Variants in PROM2 observed in about 807,000 individuals in gnomAD.
PROM2 encodes prominin-2.
A neutral mutation model predicts 110.2 loss-of-function variants in PROM2; 90 were observed. The observed-to-expected ratio is 0.82, with a 90% CI of 0.69 to 0.97. PROM2 has a LOEUF of 0.97. PROM2 is among the 50% of genes least tolerant of loss of function. PROM2 has a pLI of 0.00. For missense variants in PROM2, 1,009 were observed against 1,074.8 expected, an observed-to-expected ratio of 0.94 and a Z score of 0.86; for synonymous variants, 470 against 467.8, an observed-to-expected ratio of 1.00 and a Z score of -0.06.
At chr2:95,285,296 AC>A (rs1053107893) in intron 15 of PROM2, among the ~76,000 whole-genome samples, 181 bp downstream of exon 15, 1 of 151,498 alleles carries the variant, frequency 6.6e-6, no homozygotes, top group Non-Finnish European at 1.5e-5. Flanking sequence ...TCCTGCCACC[AC>A]CCCGGTCACA....
Position 95,287,160 on chromosome 2 carries a change from G to A in PROM2, c.2122G>A (p.Val708Ile), listed in dbSNP as rs1677411822. 1 of 1,614,024 alleles carries A rather than the reference G, an allele frequency of 6.2e-7. No homozygotes were observed. Among genetic ancestry groups the A allele is most frequent in the Non-Finnish European group, 8.5e-7 (1 of 1,180,018 alleles). The change falls in exon 19 of 24, where the codon GTC becomes ATC. Residue 708 changes from valine (V) to isoleucine (I), a missense_variant. Transcript: ENST00000317620. ...GGAGACCTCAGATGTCCTAGCCAAT[G>A]TCACCTACCTGAAAGGAGAGCTGCC... The part of the protein sequence containing the change: ...QLETSDVLAN[V>I]TYLKGELPAW...
chr2:95,282,256 G>A (rs756533176), intron 14 of PROM2, 30 bp downstream of exon 14: 42 of 1,557,508 alleles, frequency 2.7e-5, no homozygotes, highest in Non-Finnish European at 3.3e-5. Flanking sequence ...ACTGTGAGGA[G>A]CCCTCCTCAG....
At chr2:95,282,268 T>A (rs1319374691) in intron 14 of PROM2, 42 bp downstream of exon 14, 1 of 1,472,666 alleles carries the variant, frequency 6.8e-7, no homozygotes, top group African/African-American at 1.4e-5. Context: ...CCTCCTCAGA[T>A]CCCCCTCCTC....
rs547743018 is a variant in PROM2 at position 95,276,943 on chromosome 2, C to T, written c.683-29C>T. On this transcript the variant is annotated intron_variant, in intron 5 of 23. Coordinates refer to ENST00000317620, the MANE Select transcript of PROM2 (RefSeq NM_001165978.3). This position sits in a 1 kb window ranked among gnomAD's most constrained non-coding sequence, Gnocchi z 4.6. ...GAGGGCCCCTCCACTCTTGGGGTCC[C>T]ACCCTGCAGACTGCCCTGTGCTCTG... is the stretch of plus-strand genomic sequence containing the variant. 1 of 1,549,094 alleles carries T rather than the reference C, an allele frequency of 6.5e-7. No individual in the cohort carries two copies. The highest frequency in any genetic ancestry group is 1.4e-5 in the African/African-American group (1 of 73,138).
Position 95,285,043 on chromosome 2 carries a change from C to A in PROM2, c.1803C>A (p.Ala601=). The part of the protein sequence containing the change: ...DTQSLDLLSS[A]ARRDLEALQS... ...AGAGCCTGGACCTGCTGAGCTCAGC[C>A]GCCCGCCGGGACCTGGAGGCCCTGC... Residue 601 remains alanine, a synonymous_variant, in exon 15 of 24, where the codon GCC becomes GCA. Coordinates refer to ENST00000317620, the MANE Select transcript of PROM2 (RefSeq NM_001165978.3). 1 of 1,596,536 alleles carries A rather than the reference C, an allele frequency of 6.3e-7. No individual in the cohort carries two copies. Among genetic ancestry groups the A allele is most frequent in the Non-Finnish European group, 8.5e-7 (1 of 1,171,058 alleles).
In PROM2 at chr2:95,274,633, G is replaced by A. The variant is rs1676535513; in HGVS notation, c.48G>A (p.Leu16=). ...ALLAPLLGLG[L]GLALSQLAAG... ...TGGCTCCCCTGCTGGGCCTGGGCCT[G>A]GGGCTGGCCCTGAGTCAGCTGGCTG... Residue 16 remains leucine, a synonymous_variant, in exon 1 of 24, where the codon CTG becomes CTA. Coordinates refer to ENST00000317620, the MANE Select transcript of PROM2 (RefSeq NM_001165978.3). The A allele has an allele frequency of 6.2e-7, 1 of 1,607,154 alleles. No individual in the cohort carries two copies. Among genetic ancestry groups the A allele is most frequent in the Non-Finnish European group, 8.5e-7 (1 of 1,175,452 alleles).
chr2:95,276,275 G>T lies in PROM2; in HGVS notation c.546G>T (p.Gln182His). The change falls in exon 4 of 24, where the codon CAG becomes CAT. Residue 182 changes from glutamine (Q) to histidine (H), a missense_variant. Gln to His is a conservative substitution (Grantham distance 24). Coordinates refer to ENST00000317620, the MANE Select transcript of PROM2 (RefSeq NM_001165978.3). This position sits in a 1 kb window ranked among gnomAD's most constrained non-coding sequence, Gnocchi z 4.6. The part of the protein sequence containing the change: ...AFVTNQRTHE[Q>H]MGPSIEAMPE... ...TCACCAACCAGCGCACGCATGAACA[G>T]ATGGGCCCCAGCATCGAGGCCATGC... 6.2e-7 allele frequency: 1 copy of T among 1,613,940 alleles called. No individual in the cohort carries two copies. The highest frequency in any genetic ancestry group is 8.5e-7 in the Non-Finnish European group (1 of 1,180,052).
At chr2:95,279,689 A>G (rs886490587) in intron 10 of PROM2, among the ~76,000 whole-genome samples, 156 bp from the exon 11 acceptor site, 7 of 152,136 alleles carry the variant, frequency 4.6e-5, no homozygotes, top group African/African-American at 1.7e-4. Context: ...TGGAGACCAC[A>G]CAAGAGCAGT....
In PROM2 at chr2:95,289,607, C is replaced by G; in HGVS notation, c.*394C>G. On this transcript the variant is annotated 3_prime_UTR_variant, in exon 24 of 24. Coordinates refer to ENST00000317620, the MANE Select transcript of PROM2 (RefSeq NM_001165978.3). ...TGTCTTCCCCCTGCCAAGCCTCCCC[C>G]TGCCAAGCCTCCCCCTGCCCCTCTC... The G allele has an allele frequency of 6.7e-6, 1 of 149,536 alleles. No homozygotes were observed. Among genetic ancestry groups the G allele is most frequent in the Non-Finnish European group, 1.5e-5 (1 of 67,684 alleles). 9.3% of individuals were successfully genotyped at this position (149,536 alleles called of 1,614,324 possible). A position where few individuals can be genotyped will look rare whatever the true frequency, so the allele number is the denominator to read the frequency against.
chr2:95,287,319 G>T, intron 19 of PROM2, 77 bp from the exon 20 acceptor site: 1 of 1,533,334 alleles, frequency 6.5e-7, no homozygotes, highest in South Asian at 1.1e-5. Context: ...AAGTTGCCAG[G>T]CATGGGGGGT....
chr2:95,289,060 G>T, intron 23 of PROM2, 54 bp downstream of exon 23: 1 of 1,407,216 alleles, frequency 7.1e-7, no homozygotes, highest in South Asian at 1.2e-5. Flanking sequence ...AAGGGAGTGG[G>T]GTGGGGAGGG....
intron 6 of PROM2, 68 bp downstream of exon 6, chr2:95,277,129 C>A: frequency 7.2e-7 from 1 of 1,385,488 alleles, no homozygotes; most frequent in Non-Finnish European, 9.8e-7. Context: ...ATCCCACCTG[C>A]ACCTAGCCCT....
At chr2:95,288,181 T>C (rs1316966424) in intron 20 of PROM2, 30 bp from the exon 21 acceptor site, 3 of 1,607,410 alleles carry the variant, frequency 1.9e-6, no homozygotes, top group East Asian at 4.5e-5. Flanking sequence ...CAGGTGTCTC[T>C]GCATCACCTG....
chr2:95,281,445 A>AG, intron 12 of PROM2, 80 bp downstream of exon 12: 1 of 145,084 alleles, frequency 6.9e-6, no homozygotes, highest in Non-Finnish European at 1.1e-5. Flanking sequence ...GTTGGGGGAA[A>AG]GTGGGGGTCG....
chr2:95,280,832 C>T (rs1318837045), intron 11 of PROM2, among the ~76,000 whole-genome samples: 2 of 152,156 alleles, frequency 1.3e-5, no homozygotes, highest in Non-Finnish European at 2.9e-5. Flanking sequence ...TTTGTAGAGA[C>T]ATGGTCTCAC....
Position 95,277,520 on chromosome 2 carries a change from C to T in PROM2, c.929C>T (p.Ala310Val). 1.9e-6 allele frequency: 3 copies of T among 1,608,122 alleles called. No individual in the cohort carries two copies. The highest frequency in any genetic ancestry group is 1.3e-5 in the African/African-American group (1 of 74,944). Residue 310 changes from alanine (A) to valine (V), a missense_variant, in exon 7 of 24, where the codon GCC (alanine) becomes GTC (valine). Transcript: ENST00000317620. ...AGGTGCCAGGGAGATTGTGCAGGGGCCCTGAGCTGGGCCCGCACCCTGGAG... is the reference window on the plus strand; with the variant it reads ...AGGTGCCAGGGAGATTGTGCAGGGGTCCTGAGCTGGGCCCGCACCCTGGAG... ...EARCQGDCAG[A>V]LSWARTLELG...
At chr2:95,278,948 C>A in intron 9 of PROM2, 37 bp from the exon 10 acceptor site, 1 of 1,595,362 alleles carries the variant, frequency 6.3e-7, no homozygotes, top group Non-Finnish European at 8.6e-7. Context: ...CCCCAGGGTG[C>A]CCTCCGCATC....
chr2:95,276,775 G>C lies in PROM2; in HGVS notation c.682+118G>C, dbSNP rs1424100695. On this transcript the variant is annotated intron_variant, in intron 5 of 23. Coordinates refer to ENST00000317620, the MANE Select transcript of PROM2 (RefSeq NM_001165978.3). This position sits in a 1 kb window ranked among gnomAD's most constrained non-coding sequence, Gnocchi z 4.6. ...CACCCCCGGGAACAGGCTGGTAGAG[G>C]TGGGGATCAGGCCGGCTGGAGAGCA... 3.2e-6 allele frequency: 4 copies of C among 1,255,100 alleles called. No individual in the cohort carries two copies. Among genetic ancestry groups the C allele is most frequent in the Non-Finnish European group, 4.6e-6 (4 of 878,430 alleles). The allele number at this position is 1,255,100 out of a possible 1,614,324, so 77.7% of individuals were successfully genotyped here.
chr2:95,274,690 G>C lies in PROM2; in HGVS notation c.105G>C (p.Pro35=), dbSNP rs776099688. 5.0e-6 allele frequency: 8 copies of C among 1,612,842 alleles called. No homozygotes were observed. Among genetic ancestry groups the C allele is most frequent in the Non-Finnish European group, 6.8e-6 (8 of 1,179,896 alleles). Residue 35 remains proline (P), a synonymous_variant, in exon 1 of 24, where the codon CCG becomes CCC. Transcript: ENST00000317620. ...CCACAGACTGCAAGTTCCTTGGCCC[G>C]GCAGAGCACCTGACATTCACCCCAG... The part of the protein sequence containing the change: ...AGATDCKFLG[P]AEHLTFTPAA...
Sources: allele counts gnomAD v4.1 joint callset (sites outside exome capture counted in the v4.1 genomes callset), GRCh38; gene constraint gnomAD v4.1.1; non-coding constraint Gnocchi (gnomAD v3.1); transcripts MANE v1.5; gene names NCBI Gene and HGNC (gene_info 2026-07-23, HGNC 2026-07-21).